Variants in LANCL3 observed in about 807,000 individuals in gnomAD.
LANCL3 encodes the protein lanC-like protein 3.
In LANCL3, 19 loss-of-function variants were observed where a neutral mutation model predicts 26.5. That is an observed-to-expected ratio of 0.72 (90% CI 0.50 to 1.05). The LOEUF (loss-of-function observed/expected upper bound fraction) is 1.05. Ranked by LOEUF, LANCL3 falls within the 50% of genes least tolerant of loss-of-function variation. The pLI, the probability that LANCL3 is intolerant of heterozygous loss-of-function variation, is 0.00. For synonymous variants in LANCL3, 160 were observed against 166.6 expected (o/e 0.96, Z 0.30); for missense variants, 318 against 362.7 (o/e 0.88, Z 1.00).
chrX:37,646,098 T>C (rs1925977981), intron 1 of LANCL3, among the ~76,000 whole-genome samples: 1 of 112,897 alleles, frequency 8.9e-6, no homozygotes, highest in Admixed American at 9.4e-5. Flanking sequence ...TTTTAGGATT[T>C]AAATGAATGC....
chrX:37,592,947 A>C (rs113788914), intron 1 of LANCL3, among the ~76,000 whole-genome samples: 1,138 of 112,281 alleles, frequency 0.01, 6 homozygotes, highest in African/African-American at 0.035. Flanking sequence ...TACAAGGATT[A>C]GCATTGGACT....
chrX:37,667,691 T>C (rs150834888), intron 4 of LANCL3, among the ~76,000 whole-genome samples: 1,683 of 111,536 alleles, frequency 0.015, 35 homozygotes, highest in African/African-American at 0.051. Flanking sequence ...TATAAGTAAA[T>C]GTCTTAATCC....
chrX:37,579,425 CACTT>C (rs1446149425), intron 1 of LANCL3, among the ~76,000 whole-genome samples: 1 of 111,761 alleles, frequency 8.9e-6, no homozygotes, highest in African/African-American at 3.3e-5. Flanking sequence ...ATACCTGAGA[CACTT>C]ACTAAGTGAC....
Position 37,572,118 on chromosome X carries a change from C to A in LANCL3, c.248C>A (p.Pro83Gln), listed in dbSNP as rs1923601165. ...AYMLYHVSQS[P>Q]LFATARERYL... ...ATGCTCTACCACGTCTCGCAGAGCC[C>A]GCTTTTCGCCACGGCCCGGGAACGC... The change falls in exon 1 of 5, where the codon CCG (proline) becomes CAG (glutamine). Residue 83 changes from proline (P) to glutamine (Q), a missense_variant. Coordinates refer to ENST00000378619, the MANE Select transcript of LANCL3 (RefSeq NM_001170331.2). 1.7e-6 allele frequency: 2 copies of A among 1,194,399 alleles called. No individual in the cohort carries two copies. Among genetic ancestry groups the A allele is most frequent in the African/African-American group, 3.5e-5 (2 of 57,704 alleles).
In LANCL3 at chrX:37,682,840, G is replaced by T. The variant is rs1489267446; in HGVS notation, c.*7027G>T. The T allele has an allele frequency of 1.8e-5, 2 of 111,966 alleles. No individual in the cohort carries two copies. Among genetic ancestry groups the T allele is most frequent in the Non-Finnish European group, 3.8e-5 (2 of 53,202 alleles). 9.2% of individuals were successfully genotyped at this position (111,966 alleles called of 1,213,427 possible). ...GCAGTAGAAATGGAATATTCTAAGTGCAGAAGTTTGGTTTTAGAATCTGTT... is the reference window on the plus strand; with the variant it reads ...GCAGTAGAAATGGAATATTCTAAGTTCAGAAGTTTGGTTTTAGAATCTGTT... On this transcript the variant is annotated 3_prime_UTR_variant, in exon 5 of 5. Coordinates refer to ENST00000378619, the MANE Select transcript of LANCL3 (RefSeq NM_001170331.2).
At chrX:37,606,607 G>C (rs1924722095) in intron 1 of LANCL3, among the ~76,000 whole-genome samples, 1 of 111,428 alleles carries the variant, frequency 9.0e-6, no homozygotes, top group Non-Finnish European at 1.9e-5. Context: ...TGAATAGATG[G>C]AACCCAGACC....
chrX:37,646,986 AT>A (rs1250566280), intron 1 of LANCL3, among the ~76,000 whole-genome samples: 2 of 111,711 alleles, frequency 1.8e-5, no homozygotes, highest in Non-Finnish European at 3.8e-5. Flanking sequence ...TATCCTTCAA[AT>A]CCATTGTTTT....
At chrX:37,645,174 C>T (rs1219750215) in intron 1 of LANCL3, among the ~76,000 whole-genome samples, 1 of 112,225 alleles carries the variant, frequency 8.9e-6, no homozygotes, top group Non-Finnish European at 1.9e-5. Context: ...GGGGTAAAAC[C>T]TGTTTTTCTT....
rs782805539 is a variant in LANCL3 at position 37,587,623 on chromosome X, C to T, written c.573+15180C>T. ...GCATGGGATATAATCTCCTGGTGTG[C>T]CGTTTGCTAAGACCCTTGGAAAAGT... On this transcript the variant is annotated intron_variant, in intron 1 of 4. Transcript: ENST00000378619. 1.2e-3 allele frequency among the ~76,000 whole-genome samples: 134 copies of T among 112,939 alleles called. 2 individuals are homozygous for T. The highest frequency in any genetic ancestry group is 4.0e-3 in the African/African-American group (124 of 31,134).
intron 4 of LANCL3, 132 bp from the exon 5 acceptor site, chrX:37,675,522 C>G: frequency 2.9e-6 from 1 of 344,000 alleles, no homozygotes; most frequent in Non-Finnish European, 5.0e-6. Flanking sequence ...AAATGTGTTT[C>G]TTAAAATACT....
chrX:37,650,793 G>C (rs782054397), intron 1 of LANCL3, among the ~76,000 whole-genome samples: 1 of 105,966 alleles, frequency 9.4e-6, no homozygotes, highest in East Asian at 3.0e-4. Context: ...CAATGTGCAG[G>C]TTCGTTACAT....
chrX:37,636,572 A>G (rs1168190656), intron 1 of LANCL3, among the ~76,000 whole-genome samples: 1 of 112,778 alleles, frequency 8.9e-6, no homozygotes, highest in East Asian at 2.8e-4. Flanking sequence ...CGCTTATTAT[A>G]TGGGTAAGTA....
chrX:37,598,139 T>G (rs1924487495), intron 1 of LANCL3, among the ~76,000 whole-genome samples: 1 of 111,665 alleles, frequency 9.0e-6, no homozygotes, highest in African/African-American at 3.3e-5. Context: ...GTGTTGATGG[T>G]TTCCTCTGAA....
At chrX:37,574,054 C>CAAAAAAAA (rs34987799) in intron 1 of LANCL3, among the ~76,000 whole-genome samples, 1 of 33,416 alleles carries the variant, frequency 3.0e-5, no homozygotes, top group African/African-American at 9.3e-5. Context: ...TCAAGGATAG[C>CAAAAAAAA]AAAAAAAAAA....
intron 1 of LANCL3, among the ~76,000 whole-genome samples, chrX:37,586,678 T>C (rs1281855736): frequency 1.8e-5 from 2 of 111,925 alleles, no homozygotes; most frequent in Non-Finnish European, 3.8e-5. Context: ...CTACACTAGT[T>C]GTTCTAGTTA....
At chrX:37,609,830 G>A (rs782376459) in intron 1 of LANCL3, among the ~76,000 whole-genome samples, 9 of 111,568 alleles carry the variant, frequency 8.1e-5, no homozygotes, top group African/African-American at 2.9e-4. Flanking sequence ...AAAAGAGATA[G>A]GGGCATGCAG....
At chrX:37,646,628 G>A (rs1223250911) in intron 1 of LANCL3, among the ~76,000 whole-genome samples, 1 of 112,174 alleles carries the variant, frequency 8.9e-6, no homozygotes, top group African/African-American at 3.2e-5. Context: ...TTACTACTCT[G>A]TTCTGGTGCC....
intron 1 of LANCL3, among the ~76,000 whole-genome samples, chrX:37,583,908 G>A (rs1427871779): frequency 8.9e-6 from 1 of 111,891 alleles, no homozygotes; most frequent in African/African-American, 3.3e-5. Context: ...TTTTCAAAGG[G>A]AATGCTTCCA....
At chrX:37,633,336 T>C (rs1392780599) in intron 1 of LANCL3, among the ~76,000 whole-genome samples, 1 of 111,312 alleles carries the variant, frequency 9.0e-6, no homozygotes, top group African/African-American at 3.3e-5. Flanking sequence ...TCGTCTAAAT[T>C]TTTTTCAAAG....
Sources: allele counts gnomAD v4.1 joint callset (sites outside exome capture counted in the v4.1 genomes callset), GRCh38; gene constraint gnomAD v4.1.1; transcripts MANE v1.5; gene names NCBI Gene and HGNC (gene_info 2026-07-23, HGNC 2026-07-21).